The following GRM8 variants were observed in gnomAD, a reference collection of about 807,000 sequenced individuals.
GRM8 encodes metabotropic glutamate receptor 8.
GRM8 carries 47 observed loss-of-function variants against 87.2 expected under a neutral mutation model. That is an observed-to-expected ratio of 0.54 (90% confidence interval 0.43 to 0.69). GRM8 has a LOEUF of 0.69. Among genes scored for constraint, GRM8 ranks in the 30% least tolerant of loss-of-function variants. The probability of loss-of-function intolerance (pLI) is 0.00; values close to 1 mark genes in which losing one functional copy is unlikely to be tolerated. For synonymous variants in GRM8, 396 were observed against 404.5 expected, an observed-to-expected ratio of 0.98 and a Z score of 0.25; for missense variants, 1,019 against 1,139.2, an observed-to-expected ratio of 0.89 and a Z score of 1.52.
intron 8 of GRM8, among the ~76,000 whole-genome samples, chr7:126,583,065 T>C (rs1011961371): frequency 3.9e-5 from 6 of 152,134 alleles, no homozygotes; most frequent in Non-Finnish European, 4.4e-5. Context: ...ACTTAAGAAA[T>C]GCACTTCTTG....
intron 8 of GRM8, among the ~76,000 whole-genome samples, chr7:126,540,300 A>G (rs898044171): frequency 6.6e-6 from 1 of 152,144 alleles, no homozygotes; most frequent in African/African-American, 2.4e-5. Flanking sequence ...AAGTGTTGAT[A>G]AAGATGTGGA....
chr7:126,707,785 T>C (rs1368106411), intron 7 of GRM8, among the ~76,000 whole-genome samples: 1 of 152,054 alleles, frequency 6.6e-6, no homozygotes, highest in Non-Finnish European at 1.5e-5. Context: ...CTTGAAACCA[T>C]TAAAAGCCTA....
At chr7:127,120,522 T>C (rs1192429214) in intron 2 of GRM8, among the ~76,000 whole-genome samples, 1 of 152,194 alleles carries the variant, frequency 6.6e-6, no homozygotes, top group African/African-American at 2.4e-5. Context: ...TGAATGAGAC[T>C]TTGAATTTTA....
intron 8 of GRM8, among the ~76,000 whole-genome samples, chr7:126,545,458 T>C (rs1381071280): frequency 1.3e-5 from 2 of 152,232 alleles, no homozygotes; most frequent in Non-Finnish European, 2.9e-5. Flanking sequence ...GTTTATATTA[T>C]AGATGGCCAA....
At chr7:127,190,807 TA>T (rs1794989954) in intron 2 of GRM8, among the ~76,000 whole-genome samples, 1 of 152,248 alleles carries the variant, frequency 6.6e-6, no homozygotes, top group African/African-American at 2.4e-5. Flanking sequence ...ATTATTTTTT[TA>T]ACTCATTCTT....
chr7:126,600,289 C>G (rs770374961), intron 8 of GRM8, among the ~76,000 whole-genome samples: 47 of 152,002 alleles, frequency 3.1e-4, no homozygotes, highest in Non-Finnish European at 4.4e-4. Context: ...GGGTCTACTT[C>G]TACATTGGTT....
At chr7:126,457,508 T>A (rs1024880395) in intron 9 of GRM8, among the ~76,000 whole-genome samples, 1 of 151,412 alleles carries the variant, frequency 6.6e-6, no homozygotes, top group Admixed American at 6.6e-5. Context: ...CTGACTAATG[T>A]GAAATCAGAT....
At chr7:127,165,200 T>G (rs1793380435) in intron 2 of GRM8, among the ~76,000 whole-genome samples, 1 of 119,418 alleles carries the variant, frequency 8.4e-6, no homozygotes, top group African/African-American at 3.0e-5. Context: ...ATATTCAGGT[T>G]TCAACTAGTG....
At chr7:127,044,490 C>A (rs193115637) in intron 3 of GRM8, among the ~76,000 whole-genome samples, 173 of 152,198 alleles carry the variant, frequency 1.1e-3, no homozygotes, top group Non-Finnish European at 1.6e-3. Context: ...TAAAATAAAT[C>A]TGTTACTAGC....
intron 8 of GRM8, among the ~76,000 whole-genome samples, chr7:126,570,598 A>G (rs1794613344): frequency 6.6e-6 from 1 of 152,208 alleles, no homozygotes. Context: ...ATTTATTGGA[A>G]GGTTGAAGAC....
In GRM8 at chr7:126,770,045, C is replaced by T; in HGVS notation, c.1177G>A (p.Asp393Asn). Residue 393 changes from aspartate (D) to asparagine (N), a missense_variant, in exon 7 of 11, where the codon GAT becomes AAT. Physicochemically the swap from Asp to Asn is conservative, Grantham distance 23. Transcript: ENST00000339582. ...TTTCCTTCCTGTTCATAAGATGAAT[C>T]CCGAGCAATTCGCTCCAGCCCTGCA... Reference protein sequence around the residue: ...KCTGLERIARDSSYEQEGKVQ... With the variant: ...KCTGLERIARNSSYEQEGKVQ... The T allele has an allele frequency of 1.2e-6, 2 of 1,612,144 alleles. No individual in the cohort carries two copies. The highest frequency in any genetic ancestry group is 1.7e-6 in the Non-Finnish European group (2 of 1,178,802).
At chr7:126,451,138 G>A (rs79686177) in intron 9 of GRM8, among the ~76,000 whole-genome samples, 2,028 of 151,800 alleles carry the variant, frequency 0.013, 49 homozygotes, top group African/African-American at 0.046. Flanking sequence ...GACAAATTCC[G>A]GGCTTTTCTT....
At chr7:127,025,141 T>G (rs1816652407) in intron 3 of GRM8, among the ~76,000 whole-genome samples, 1 of 152,032 alleles carries the variant, frequency 6.6e-6, no homozygotes, top group Admixed American at 6.6e-5. Flanking sequence ...CACTTTGACA[T>G]TTAAGACTTG....
chr7:127,173,236 C>T (rs1315860554), intron 2 of GRM8, among the ~76,000 whole-genome samples: 1 of 152,116 alleles, frequency 6.6e-6, no homozygotes, highest in East Asian at 1.9e-4. Flanking sequence ...ATGAATTCAG[C>T]ATGATAAACG....
intron 6 of GRM8, among the ~76,000 whole-genome samples, chr7:126,822,493 T>C (rs965142048): frequency 2.6e-5 from 4 of 151,746 alleles, no homozygotes; most frequent in African/African-American, 9.7e-5. Context: ...TTTTCCTCTG[T>C]CTTTCTCCTT....
At chr7:126,841,364 TGG>T (rs1438110795) in intron 6 of GRM8, among the ~76,000 whole-genome samples, 1 of 152,146 alleles carries the variant, frequency 6.6e-6, no homozygotes, top group African/African-American at 2.4e-5. Context: ...GCTAGAAGAA[TGG>T]GCTCAGCAGG....
intron 7 of GRM8, among the ~76,000 whole-genome samples, chr7:126,679,762 G>A (rs1455553887): frequency 2.6e-5 from 4 of 152,150 alleles, no homozygotes; most frequent in African/African-American, 9.7e-5. Context: ...GGGTGTGGTG[G>A]CTCATGCTTG....
At chr7:127,128,760 T>C (rs1563531525) in intron 2 of GRM8, among the ~76,000 whole-genome samples, 1 of 152,148 alleles carries the variant, frequency 6.6e-6, no homozygotes, top group Non-Finnish European at 1.5e-5. Flanking sequence ...ACATTCTTTC[T>C]GTGATACTAT....
chr7:126,487,414 G>T (rs1463473198), intron 9 of GRM8, among the ~76,000 whole-genome samples: 2 of 151,822 alleles, frequency 1.3e-5, no homozygotes. Flanking sequence ...ACAGGCATGT[G>T]CCACCACACG....
Sources: gnomAD v4.1 joint callset for allele counts (sites outside exome capture counted in the v4.1 genomes callset) on GRCh38, gnomAD v4.1.1 for gene constraint, MANE v1.5 for transcripts, NCBI Gene and HGNC (gene_info 2026-07-23, HGNC 2026-07-21) for gene names.